Variants in FOXK2 observed in about 807,000 individuals in gnomAD.
FOXK2 encodes the protein forkhead box protein K2.
In FOXK2, 24 loss-of-function variants were observed where a neutral mutation model predicts 53.3. The observed-to-expected ratio is 0.45, with a 90% CI of 0.33 to 0.63. FOXK2 has a LOEUF of 0.63. FOXK2 is among the 30% of genes least tolerant of loss of function. FOXK2 has a pLI of 0.03. For missense variants in FOXK2, 952 were observed against 910.5 expected (o/e 1.05, Z -0.59); for synonymous variants, 505 against 407.1 (o/e 1.24, Z -2.89).
At chr17:82,589,083 T>C (rs2045228411) in intron 8 of FOXK2, among the ~76,000 whole-genome samples, 1 of 152,120 alleles carries the variant, frequency 6.6e-6, no homozygotes, top group Non-Finnish European at 1.5e-5. Context: ...ACGGTATCCT[T>C]TTTATGTATT....
intron 2 of FOXK2, among the ~76,000 whole-genome samples, chr17:82,566,024 T>A (rs2044847588): frequency 6.6e-6 from 1 of 152,022 alleles, no homozygotes; most frequent in Non-Finnish European, 1.5e-5. Context: ...AGTATCACAT[T>A]TGCAGAGACA....
intron 2 of FOXK2, among the ~76,000 whole-genome samples, chr17:82,567,796 G>A (rs2044868224): frequency 6.6e-6 from 1 of 150,844 alleles, no homozygotes; most frequent in African/African-American, 2.4e-5. Context: ...GAGAGCTTGT[G>A]TCACATTTCA....
chr17:82,581,116 AT>A (rs1338083676), intron 4 of FOXK2, among the ~76,000 whole-genome samples: 1 of 152,258 alleles, frequency 6.6e-6, no homozygotes, highest in Admixed American at 6.5e-5. Context: ...GAATTTAGAA[AT>A]GATTTTTGGA....
intron 5 of FOXK2, among the ~76,000 whole-genome samples, chr17:82,583,572 G>A (rs2045092438): frequency 6.6e-6 from 1 of 152,228 alleles, no homozygotes; most frequent in Admixed American, 6.5e-5. Context: ...CTACTTTTTA[G>A]CTGCTTAAGT....
At chr17:82,585,379 C>T (rs2045122908) in intron 6 of FOXK2, 1 of 152,270 alleles carries the variant, frequency 6.6e-6, no homozygotes, top group Admixed American at 6.6e-5. Flanking sequence ...TGCTGGAGTA[C>T]AGTGACGTGT....
At chr17:82,572,909 C>T (rs575750909) in intron 4 of FOXK2, among the ~76,000 whole-genome samples, 4 of 152,004 alleles carry the variant, frequency 2.6e-5, no homozygotes, top group East Asian at 1.9e-4. Flanking sequence ...AATAGCCTAC[C>T]GGCCGGGCAC....
intron 4 of FOXK2, among the ~76,000 whole-genome samples, chr17:82,575,491 C>T (rs1033176909): frequency 6.6e-6 from 1 of 152,138 alleles, no homozygotes; most frequent in African/African-American, 2.4e-5. Flanking sequence ...AGTGGATAAG[C>T]ATGGAAGTCC....
intron 1 of FOXK2, among the ~76,000 whole-genome samples, chr17:82,523,445 T>G (rs1218531441): frequency 6.6e-6 from 1 of 152,014 alleles, no homozygotes; most frequent in Admixed American, 6.6e-5. Context: ...TTGGTACCAG[T>G]GAAATGCAGA....
chr17:82,531,732 A>C (rs1023598955), intron 1 of FOXK2, among the ~76,000 whole-genome samples: 1 of 152,264 alleles, frequency 6.6e-6, no homozygotes, highest in Non-Finnish European at 1.5e-5. Context: ...ACTTAGTGTC[A>C]GCAGAGCTTG....
Position 82,584,205 on chromosome 17 carries a change from G to C in FOXK2, c.1279+17G>C. On this transcript the variant is annotated intron_variant, in intron 6 of 8. Coordinates refer to ENST00000335255, the MANE Select transcript of FOXK2 (RefSeq NM_004514.4). ...GCGCCCCAGGTGAGACAGCGGGAGA[G>C]GAAGCGAGGGCCCCAACAGCGTGAG... The C allele has an allele frequency of 6.4e-7, 1 of 1,572,974 alleles. No individual in the cohort carries two copies. The highest frequency in any genetic ancestry group is 8.6e-7 in the Non-Finnish European group (1 of 1,159,356).
rs2044988288 is a variant in FOXK2, at chr17:82,576,539, C to T, written c.909+4669C>T. The T allele has an allele frequency of 6.8e-5, 45 of 663,372 alleles. No homozygotes were observed. The South Asian group carries it at 7.6e-4, about 11-fold the overall frequency. 41.1% of individuals were successfully genotyped at this position (663,372 alleles called of 1,614,324 possible). A position where few individuals can be genotyped will look rare whatever the true frequency, so the allele number is the denominator to read the frequency against. On this transcript the variant is annotated intron_variant, in intron 4 of 8. Transcript: ENST00000335255. The stretch of plus-strand genomic sequence containing the variant: ...AGTCAGTCTTTTTCCAAGATGTATT[C>T]TGTCATCATGAGCTGAGCCTGTTGG...
intron 1 of FOXK2, among the ~76,000 whole-genome samples, chr17:82,553,055 C>T (rs918719316): frequency 2.0e-5 from 3 of 152,172 alleles, no homozygotes; most frequent in Non-Finnish European, 2.9e-5. Flanking sequence ...CCTGCCTCAG[C>T]CTCCGGAGTA....
chr17:82,520,180 C>T lies in FOXK2; in HGVS notation c.292C>T (p.Leu98=), dbSNP rs1305909119. 2.8e-6 allele frequency: 4 copies of T among 1,452,596 alleles called. No individual in the cohort carries two copies. The highest frequency in any genetic ancestry group is 3.0e-5 in the African/African-American group (2 of 67,780). 90.0% of individuals were successfully genotyped at this position (1,452,596 alleles called of 1,614,324 possible). A position where few individuals can be genotyped will look rare whatever the true frequency, so the allele number is the denominator to read the frequency against. Residue 98 remains leucine, a synonymous_variant, in exon 1 of 9, where the codon CTG becomes TTG. Transcript: ENST00000335255. ...CGGCCATGGCGGGGCCGCTCCGGAG[C>T]TGCCGCCCGCGCAGCCCAGGCCCGA... ...GGGHGGAAPE[L]PPAQPRPDAG...
rs1314870748 is a variant in FOXK2, at chr17:82,568,045, C to T, written c.615-9C>T. 1.9e-6 allele frequency: 3 copies of T among 1,586,152 alleles called. No homozygotes were observed. The South Asian group carries it at 3.4e-5, about 18-fold the overall frequency. ...TAGACTAATAGGAACAACTTTTTCT[C>T]TTCCACAGCGCTGCAAACTCCTGCC... On this transcript the variant is annotated splice_polypyrimidine_tract_variant and intron_variant, in intron 2 of 8. Coordinates refer to ENST00000335255, the MANE Select transcript of FOXK2 (RefSeq NM_004514.4).
At position 82,602,783 on chromosome 17, in the gene FOXK2, G is replaced by T. The variant is rs1429132606; in HGVS notation, c.*1284G>T. 6.6e-6 allele frequency: 1 copy of T among 152,288 alleles called. No homozygotes were observed. The highest frequency in any genetic ancestry group is 1.5e-5 in the Non-Finnish European group (1 of 68,048). 9.4% of individuals were successfully genotyped at this position (152,288 alleles called of 1,614,324 possible). On this transcript the variant is annotated 3_prime_UTR_variant, in exon 9 of 9. Coordinates refer to ENST00000335255, the MANE Select transcript of FOXK2 (RefSeq NM_004514.4). Reference sequence around the variant, plus strand: ...CGCCCGGCTCCTCAGGAAGAAAACCGCTGGCCCTTCCCGAGTGTGCCGGCC... The same window carrying T: ...CGCCCGGCTCCTCAGGAAGAAAACCTCTGGCCCTTCCCGAGTGTGCCGGCC...
Position 82,587,201 on chromosome 17 carries a change from T to G in FOXK2, c.1715T>G (p.Ile572Arg), listed in dbSNP as rs747244962. The change falls in exon 8 of 9, where the codon ATA becomes AGA. Residue 572 changes from isoleucine (I) to arginine (R), a missense_variant. Ile to Arg is a moderately conservative substitution (Grantham distance 97, BLOSUM62 -3). This residue lies in a region of FOXK2 where 551 missense variants were observed against 385.1 expected (regional missense o/e 1.43). Coordinates refer to ENST00000335255, the MANE Select transcript of FOXK2 (RefSeq NM_004514.4). Reference sequence around the variant, plus strand: ...CCTCTAGGTCAACACCAGCTACCAATAAAAACTGTAACACAAAACGGCACT... The same window carrying G: ...CCTCTAGGTCAACACCAGCTACCAAGAAAAACTGTAACACAAAACGGCACT... ...QAPLGQHQLP[I>R]KTVTQNGTHV... The G allele has an allele frequency of 6.2e-7, 1 of 1,613,048 alleles. No individual in the cohort carries two copies. The highest frequency in any genetic ancestry group is 1.1e-5 in the South Asian group (1 of 91,076).
chr17:82,575,654 C>T (rs1567979621), intron 4 of FOXK2, among the ~76,000 whole-genome samples: 1 of 152,182 alleles, frequency 6.6e-6, no homozygotes, highest in Non-Finnish European at 1.5e-5. Flanking sequence ...CTAGGAGTGG[C>T]TTTTCACGTG....
At chr17:82,565,050 A>G (rs1242556949) in intron 2 of FOXK2, among the ~76,000 whole-genome samples, 1 of 152,110 alleles carries the variant, frequency 6.6e-6, no homozygotes, top group East Asian at 1.9e-4. Context: ...GTTTTTGACG[A>G]GGGTGCCCAC....
chr17:82,520,406 G>T, intron 1 of FOXK2, 99 bp downstream of exon 1: 1 of 1,030,068 alleles, frequency 9.7e-7, no homozygotes, highest in Non-Finnish European at 1.2e-6. Context: ...CCCACGAGCG[G>T]GGGCCCGACT....
Sources: allele counts gnomAD v4.1 joint callset (sites outside exome capture counted in the v4.1 genomes callset), GRCh38; gene constraint gnomAD v4.1.1; regional missense constraint gnomAD v4.1.1; transcripts MANE v1.5; gene names NCBI Gene and HGNC (gene_info 2026-07-23, HGNC 2026-07-21).